The following CBFB variants were observed in gnomAD, a reference collection of about 807,000 sequenced individuals.
CBFB encodes the protein core-binding factor subunit beta.
Under a neutral mutation model 30.4 loss-of-function variants are expected in CBFB, and 9 were observed. The observed-to-expected ratio is 0.30, with a 90% CI of 0.18 to 0.52. The LOEUF is 0.52. Among genes scored for constraint, CBFB ranks in the 20% least tolerant of loss-of-function variants. The pLI is 0.97. For missense variants in CBFB, 170 were observed against 244.0 expected, an observed-to-expected ratio of 0.70 and a Z score of 2.02; for synonymous variants, 94 against 84.0, an observed-to-expected ratio of 1.12 and a Z score of -0.65.
At chr16:67,077,654 G>A (rs1379130185) in intron 4 of CBFB, among the ~76,000 whole-genome samples, 1 of 152,074 alleles carries the variant, frequency 6.6e-6, no homozygotes, top group Non-Finnish European at 1.5e-5. Flanking sequence ...ATCATCAACT[G>A]TCTTGGAAAA....
At chr16:67,066,943 T>A in intron 4 of CBFB, 145 bp downstream of exon 4, 1 of 500,110 alleles carries the variant, frequency 2.0e-6, no homozygotes, top group Non-Finnish European at 3.7e-6. Flanking sequence ...AAAATGTTGA[T>A]ACTCAAATTC....
intron 3 of CBFB, among the ~76,000 whole-genome samples, chr16:67,058,128 GGTTGTTGTTGTT>G (rs59958780): frequency 1.7e-4 from 25 of 151,320 alleles, no homozygotes; most frequent in Admixed American, 4.6e-4. Flanking sequence ...TATTCAAATC[GGTTGTTGTTGTT>G]GTTGTTGTTG....
chr16:67,081,994 T>C, intron 4 of CBFB: 1 of 237,642 alleles, frequency 4.2e-6, no homozygotes, highest in Non-Finnish European at 8.2e-6. Context: ...AATTTCTGTA[T>C]TTTTAGTAGA....
intron 4 of CBFB, among the ~76,000 whole-genome samples, chr16:67,073,964 G>A (rs547771039): frequency 6.6e-6 from 1 of 152,084 alleles, no homozygotes; most frequent in East Asian, 1.9e-4. Context: ...AGGAGGCGGA[G>A]CTTGCAGTGA....
At chr16:67,058,173 C>G (rs1960785231) in intron 3 of CBFB, among the ~76,000 whole-genome samples, 1 of 150,966 alleles carries the variant, frequency 6.6e-6, no homozygotes, top group Non-Finnish European at 1.5e-5. Context: ...TGGAGTCTTG[C>G]TCTGTCGCCC....
chr16:67,036,838 C>G, intron 3 of CBFB, 83 bp downstream of exon 3: 1 of 821,270 alleles, frequency 1.2e-6, no homozygotes, highest in Non-Finnish European at 2.2e-6. Context: ...TAATAAAGAT[C>G]ACAGATCTGA....
At position 67,098,560 on chromosome 16, in the gene CBFB, G is replaced by GT. The variant is rs376694014; in HGVS notation, c.496-141dup. 1.5e-3 allele frequency: 847 copies of GT among 550,166 alleles called. 5 individuals carry two copies. Among genetic ancestry groups the GT allele is most frequent in the East Asian group, 4.7e-3 (160 of 33,892 alleles). 34.1% of individuals were successfully genotyped at this position (550,166 alleles called of 1,614,324 possible). ...AATATGTCAGACATAATTTTAATTG[G>GT]TTTTTTTTTGCCTGTTACATGTGAC... On this transcript the variant is annotated intron_variant, in intron 5 of 5. Transcript: ENST00000412916.
At chr16:67,053,075 C>G (rs1294068206) in intron 3 of CBFB, among the ~76,000 whole-genome samples, 4 of 151,572 alleles carry the variant, frequency 2.6e-5, no homozygotes, top group East Asian at 3.9e-4. Flanking sequence ...CGTCTCCCCC[C>G]ACAAAATAAT....
intron 3 of CBFB, among the ~76,000 whole-genome samples, chr16:67,052,193 G>C (rs1006208626): frequency 6.6e-5 from 10 of 152,100 alleles, no homozygotes; most frequent in Admixed American, 5.9e-4. Flanking sequence ...GATATTGCTT[G>C]CTTGATACCA....
Position 67,066,717 on chromosome 16 carries a change from C to A in CBFB, c.318C>A (p.Val106=). The change falls in exon 4 of 6, where the codon GTC becomes GTA. Residue 106 remains valine (V), a synonymous_variant. Coordinates refer to ENST00000412916, the MANE Select transcript of CBFB (RefSeq NM_022845.3). ...YLKAPMILNG[V]CVIWKGWIDL... is the part of the protein sequence containing the mutation. ...AGGCTCCCATGATTCTGAATGGAGTCTGTGTTATCTGGAAAGGCTGGATTG... is the reference window on the plus strand; with the variant it reads ...AGGCTCCCATGATTCTGAATGGAGTATGTGTTATCTGGAAAGGCTGGATTG... 1 of 1,608,754 alleles carries A rather than the reference C, an allele frequency of 6.2e-7. No homozygotes were observed. Among genetic ancestry groups the A allele is most frequent in the Non-Finnish European group, 8.5e-7 (1 of 1,177,398 alleles).
At chr16:67,096,050 T>C (rs140823963) in intron 5 of CBFB, among the ~76,000 whole-genome samples, 3,012 of 151,398 alleles carry the variant, frequency 0.02, 92 homozygotes, top group African/African-American at 0.069. Context: ...GGCTCACGCC[T>C]GTAATCCCAG....
rs1471632410 is a variant in CBFB, at chr16:67,059,959, TC to T, written c.283-6722del. ...ATAAAAATTGTTGCAAACTTTTAAT[TC>T]TTTCTTTCTTTCTTTCTTTTTTTTT... On this transcript the variant is annotated intron_variant, in intron 3 of 5. Transcript: ENST00000412916. Among the ~76,000 whole-genome samples the T allele has an allele frequency of 7.5e-5, 9 of 120,044 alleles. 1 individual carries two copies. In the Middle Eastern group the frequency reaches 0.012, roughly 164 times the overall value. The allele number at this position is 120,044 out of a possible 152,430, so 78.8% of individuals were successfully genotyped here.
intron 5 of CBFB, chr16:67,093,519 T>G (rs146349929): frequency 1.3e-5 from 2 of 152,128 alleles, no homozygotes; most frequent in Admixed American, 6.5e-5. Context: ...TGGTGTGTGT[T>G]CTTTCGTCTC....
chr16:67,049,073 G>A (rs1040593466), intron 3 of CBFB, among the ~76,000 whole-genome samples: 2 of 151,740 alleles, frequency 1.3e-5, no homozygotes, highest in Non-Finnish European at 2.9e-5. Context: ...TACCCACCTC[G>A]GCCTCATAAA....
rs1961687502 is a variant in CBFB, at chr16:67,085,162, CTCTGTGTGTG to C, written c.495+2858_495+2867del. On this transcript the variant is annotated intron_variant, in intron 5 of 5. Transcript: ENST00000412916. Reference sequence around the variant, plus strand: ...ATAAATTGTGTGTGTGTGTGTGTGTCTCTGTGTGTGTCTCTGTGTGTGTGTGTGATGGAGT... The same window carrying C: ...ATAAATTGTGTGTGTGTGTGTGTGTCTCTCTGTGTGTGTGTGTGATGGAGT... Among the ~76,000 whole-genome samples, 3 of 150,140 alleles carry C rather than the reference CTCTGTGTGTG, an allele frequency of 2.0e-5. No individual in the cohort carries two copies. In the South Asian group the frequency reaches 6.4e-4, roughly 32 times the overall value.
chr16:67,084,872 C>T (rs1961676886), intron 5 of CBFB, among the ~76,000 whole-genome samples: 1 of 152,064 alleles, frequency 6.6e-6, no homozygotes, highest in Non-Finnish European at 1.5e-5. Context: ...TCAGCTTGGA[C>T]AGCTTACTTC....
At chr16:67,093,566 T>A (rs1597163858) in intron 5 of CBFB, 1 of 152,096 alleles carries the variant, frequency 6.6e-6, no homozygotes, top group African/African-American at 2.4e-5. Context: ...CTAGCAACTC[T>A]ATTTGCCTTG....
At chr16:67,091,072 G>T (rs1049354642) in intron 5 of CBFB, among the ~76,000 whole-genome samples, 7 of 152,268 alleles carry the variant, frequency 4.6e-5, no homozygotes, top group African/African-American at 1.4e-4. Flanking sequence ...TGTGTTTTGG[G>T]TAATGGCAGT....
At chr16:67,088,903 A>G (rs1961804598) in intron 5 of CBFB, among the ~76,000 whole-genome samples, 1 of 152,182 alleles carries the variant, frequency 6.6e-6, no homozygotes, top group Admixed American at 6.5e-5. Context: ...GGGAAGCAGA[A>G]CTCCAAGTGG....
Sources: gnomAD v4.1 joint callset for allele counts (sites outside exome capture counted in the v4.1 genomes callset) on GRCh38, gnomAD v4.1.1 for gene constraint, MANE v1.5 for transcripts, NCBI Gene and HGNC (gene_info 2026-07-23, HGNC 2026-07-21) for gene names.